SUPT3H: variants seen among roughly 807,000 people sequenced by gnomAD.
The protein encoded by SUPT3H is SPT3 homolog, SAGA and STAGA complex component.
SUPT3H carries 44 observed loss-of-function variants against 44.3 expected under a neutral mutation model. That is an observed-to-expected ratio of 0.99 (90% CI 0.78 to 1.28). The LOEUF (loss-of-function observed/expected upper bound fraction) is 1.28, where lower values mean the gene tolerates loss of function less well. Ranked by LOEUF, SUPT3H falls within the 50% of genes most tolerant of loss-of-function variation. SUPT3H has a pLI of 0.00. For missense variants in SUPT3H, 380 were observed against 387.1 expected (o/e 0.98, Z 0.15); for synonymous variants, 124 against 125.6 (o/e 0.99, Z 0.09).
rs535695003 is a variant in SUPT3H, at chr6:45,285,386, G to T, written c.101+79815C>A. ...AATCTCCTTAAGCTGATTGTCAACT[G>T]CAGCAAAGTCTCAGGATACAAAATC... On this transcript the variant is annotated intron_variant, in intron 2 of 10. Transcript: ENST00000371459. Among the ~76,000 whole-genome samples, 14 of 152,280 alleles carry T rather than the reference G, an allele frequency of 9.2e-5. No individual in the cohort carries two copies. In the South Asian group the frequency reaches 2.3e-3, roughly 25 times the overall value.
chr6:45,256,406 G>A (rs1773415490), intron 2 of SUPT3H, among the ~76,000 whole-genome samples: 1 of 152,104 alleles, frequency 6.6e-6, no homozygotes, highest in East Asian at 1.9e-4. Flanking sequence ...GGAGGAAGGG[G>A]TAAAGGCTCC....
intron 10 of SUPT3H, among the ~76,000 whole-genome samples, chr6:44,841,914 T>G (rs975342709): frequency 2.0e-5 from 3 of 152,186 alleles, no homozygotes; most frequent in Non-Finnish European, 4.4e-5. Flanking sequence ...AAATCTTACT[T>G]TCTAGTGAGG....
chr6:44,899,651 C>A (rs183370379), intron 10 of SUPT3H, among the ~76,000 whole-genome samples: 1 of 152,114 alleles, frequency 6.6e-6, no homozygotes, highest in African/African-American at 2.4e-5. Context: ...CATGCCACTG[C>A]GCTCCAACCT....
intron 2 of SUPT3H, among the ~76,000 whole-genome samples, chr6:45,116,722 T>C (rs527852593): frequency 8.5e-5 from 13 of 152,306 alleles, no homozygotes; most frequent in Middle Eastern, 3.4e-3. Flanking sequence ...AACAGCTTTA[T>C]TGAGATATCA....
chr6:45,257,694 G>A (rs1383952119), intron 2 of SUPT3H, among the ~76,000 whole-genome samples: 1 of 152,108 alleles, frequency 6.6e-6, no homozygotes, highest in Non-Finnish European at 1.5e-5. Context: ...ATAGGTGGAA[G>A]GTGAAAGGGC....
intron 1 of SUPT3H, among the ~76,000 whole-genome samples, chr6:45,373,873 G>C (rs1384377137): frequency 6.6e-6 from 1 of 152,174 alleles, no homozygotes. Context: ...AATATTATTT[G>C]TAAAAGAGAA....
intron 2 of SUPT3H, among the ~76,000 whole-genome samples, chr6:45,152,321 T>C (rs537683404): frequency 9.8e-5 from 15 of 152,290 alleles, no homozygotes; most frequent in Admixed American, 7.9e-4. Context: ...GAGCTACCTT[T>C]AGAATATTTA....
At chr6:45,089,468 C>A (rs549283480) in intron 3 of SUPT3H, among the ~76,000 whole-genome samples, 2 of 151,902 alleles carry the variant, frequency 1.3e-5, no homozygotes, top group Middle Eastern at 3.2e-3. Context: ...ATTCTAAAAC[C>A]CTTCTTCTTC....
At chr6:45,238,793 T>A (rs1049543707) in intron 2 of SUPT3H, among the ~76,000 whole-genome samples, 1 of 152,134 alleles carries the variant, frequency 6.6e-6, no homozygotes, top group Non-Finnish European at 1.5e-5. Context: ...GAAAAATTAT[T>A]GTCCCTCTCA....
At chr6:45,297,361 T>C (rs570646422) in intron 2 of SUPT3H, among the ~76,000 whole-genome samples, 2 of 152,230 alleles carry the variant, frequency 1.3e-5, no homozygotes, top group African/African-American at 4.8e-5. Context: ...TACTGTCTCA[T>C]AGGCATAACA....
intron 6 of SUPT3H, among the ~76,000 whole-genome samples, chr6:44,975,562 A>T (rs1778207822): frequency 6.6e-6 from 1 of 152,136 alleles, no homozygotes; most frequent in Non-Finnish European, 1.5e-5. Flanking sequence ...TGATATAAGG[A>T]ACTTTGGAGA....
chr6:44,852,104 C>A (rs768721633), intron 10 of SUPT3H, among the ~76,000 whole-genome samples: 92 of 152,122 alleles, frequency 6.0e-4, no homozygotes, highest in Non-Finnish European at 1.0e-3. Context: ...TGGGGAAACT[C>A]AAAAACTTTT....
intron 10 of SUPT3H, among the ~76,000 whole-genome samples, chr6:44,901,668 G>A (rs1329657464): frequency 2.0e-5 from 3 of 151,528 alleles, no homozygotes; most frequent in African/African-American, 7.3e-5. Context: ...AGGAAATACA[G>A]AGAACGCCAC....
At chr6:45,205,377 G>C (rs536464190) in intron 2 of SUPT3H, among the ~76,000 whole-genome samples, 55 of 152,190 alleles carry the variant, frequency 3.6e-4, no homozygotes, top group Non-Finnish European at 4.7e-4. Context: ...ATTTTCTATA[G>C]TTTCCACCTC....
intron 2 of SUPT3H, among the ~76,000 whole-genome samples, chr6:45,150,742 A>ATGC (rs1806819288): frequency 4.1e-5 from 1 of 24,228 alleles, no homozygotes; most frequent in Non-Finnish European, 7.5e-5. Context: ...TTTTTTTTTA[A>ATGC]GATGGAGTCT....
At chr6:45,113,266 A>G (rs1800344388) in intron 2 of SUPT3H, among the ~76,000 whole-genome samples, 1 of 152,166 alleles carries the variant, frequency 6.6e-6, no homozygotes, top group East Asian at 1.9e-4. Context: ...GATGTATGTG[A>G]ACACAGACAT....
chr6:45,098,962 C>A (rs1171026921), intron 3 of SUPT3H: 1 of 450,024 alleles, frequency 2.2e-6, no homozygotes, highest in Non-Finnish European at 4.4e-6. Flanking sequence ...GAACAGATCA[C>A]AGACTCTGGG....
At chr6:45,021,754 T>C (rs1308352105) in intron 3 of SUPT3H, among the ~76,000 whole-genome samples, 2 of 152,038 alleles carry the variant, frequency 1.3e-5, no homozygotes, top group Non-Finnish European at 2.9e-5. Flanking sequence ...TGTTTAATCC[T>C]TTTTGCTAAG....
intron 2 of SUPT3H, among the ~76,000 whole-genome samples, chr6:45,180,725 G>A (rs1223649092): frequency 6.6e-6 from 1 of 152,064 alleles, no homozygotes; most frequent in African/African-American, 2.4e-5. Context: ...ATTCAAGATG[G>A]ATTAAAGACT....
Sources: gnomAD v4.1 joint callset for allele counts (sites outside exome capture counted in the v4.1 genomes callset) on GRCh38, gnomAD v4.1.1 for gene constraint, MANE v1.5 for transcripts, NCBI Gene and HGNC (gene_info 2026-07-23, HGNC 2026-07-21) for gene names.